GPR15LG: variants seen among roughly 807,000 people sequenced by gnomAD.
GPR15LG encodes protein GPR15LG.
At chr10:84,176,926 C>G in the GPR15LG span, among the ~76,000 whole-genome samples, 2 of 151,978 alleles carry the variant, frequency 1.3e-5, no homozygotes, top group Non-Finnish European at 2.9e-5. Context: ...GCAGAGGAGG[C>G]AGCAAGGGTG....
the GPR15LG span, among the ~76,000 whole-genome samples, chr10:84,180,688 G>A: frequency 2.0e-5 from 3 of 152,152 alleles, no homozygotes; most frequent in Admixed American, 6.5e-5. Context: ...ACGGGGTGGC[G>A]GCCGGGCAGA....
At chr10:84,180,357 C>T in the GPR15LG span, among the ~76,000 whole-genome samples, 1 of 152,240 alleles carries the variant, frequency 6.6e-6, no homozygotes, top group Non-Finnish European at 1.5e-5. Context: ...ACAAAACCGC[C>T]ATTGTCATCA....
the GPR15LG span, chr10:84,185,220 C>G: frequency 1.1e-5 from 3 of 275,922 alleles, no homozygotes; most frequent in African/African-American, 6.9e-5. Flanking sequence ...TTCCTAGCCT[C>G]CTGACATGAG....
At chr10:84,184,196 C>A in the GPR15LG span, among the ~76,000 whole-genome samples, 1 of 151,714 alleles carries the variant, frequency 6.6e-6, no homozygotes, top group South Asian at 2.1e-4. Flanking sequence ...TAGTTTAATG[C>A]ATGCAGCTTT....
chr10:84,175,204 G>A, the GPR15LG span, among the ~76,000 whole-genome samples: 27 of 152,268 alleles, frequency 1.8e-4, no homozygotes, highest in African/African-American at 5.1e-4. Flanking sequence ...AAGTTTCTGC[G>A]ATGAAAATGT....
chr10:84,182,231 G>C, the GPR15LG span, among the ~76,000 whole-genome samples: 2 of 152,236 alleles, frequency 1.3e-5, no homozygotes, highest in Non-Finnish European at 2.9e-5. Flanking sequence ...TGGAAAGGAG[G>C]AGGTGAAGAG....
chr10:84,182,471 T>C, the GPR15LG span, among the ~76,000 whole-genome samples: 2 of 152,236 alleles, frequency 1.3e-5, no homozygotes, highest in Admixed American at 1.3e-4. Context: ...CTGCTGATCT[T>C]GGCTGGGGTC....
At chr10:84,184,610 C>T in the GPR15LG span, 1 of 1,459,456 alleles carries the variant, frequency 6.9e-7, no homozygotes, top group Non-Finnish European at 9.6e-7. Flanking sequence ...TCCTCTCTCT[C>T]CCCACAACCT....
At chr10:84,182,594 G>A in the GPR15LG span, among the ~76,000 whole-genome samples, 1 of 152,194 alleles carries the variant, frequency 6.6e-6, no homozygotes, top group Non-Finnish European at 1.5e-5. Context: ...TTCACGTGGT[G>A]TCTGCAGAGT....
the GPR15LG span, among the ~76,000 whole-genome samples, chr10:84,174,877 T>C: frequency 6.6e-6 from 1 of 152,208 alleles, no homozygotes. Context: ...TTTTTTGTTT[T>C]AGTGGTTATG....
At chr10:84,184,658 T>G in the GPR15LG span, 1 of 1,613,490 alleles carries the variant, frequency 6.2e-7, no homozygotes, top group African/African-American at 1.3e-5. Context: ...TTGTCCCTCT[T>G]GTCTACTCAT....
chr10:84,173,943 A>C, the GPR15LG span: 2 of 1,563,182 alleles, frequency 1.3e-6, no homozygotes, highest in South Asian at 1.1e-5. Flanking sequence ...CCCAGGGTGC[A>C]GATCCCTGAG....
the GPR15LG span, among the ~76,000 whole-genome samples, chr10:84,179,379 A>G: frequency 6.6e-6 from 1 of 152,020 alleles, no homozygotes; most frequent in Non-Finnish European, 1.5e-5. Context: ...GAGATGAGCA[A>G]CTCCAACACC....
At chr10:84,175,694 C>T in the GPR15LG span, among the ~76,000 whole-genome samples, 13 of 152,168 alleles carry the variant, frequency 8.5e-5, no homozygotes, top group Middle Eastern at 3.4e-3. Context: ...TTTGCAGAGA[C>T]GAGGTCTCTC....
At chr10:84,174,096 G>A in the GPR15LG span, among the ~76,000 whole-genome samples, 1 of 152,196 alleles carries the variant, frequency 6.6e-6, no homozygotes, top group African/African-American at 2.4e-5. Flanking sequence ...AGGACTGCCT[G>A]CAGGTGGCTT....
At chr10:84,184,522 C>T in the GPR15LG span, among the ~76,000 whole-genome samples, 1 of 152,228 alleles carries the variant, frequency 6.6e-6, no homozygotes, top group African/African-American at 2.4e-5. Flanking sequence ...TCTGGGCCTC[C>T]AGGGAAAAGC....
At chr10:84,177,136 G>A in the GPR15LG span, among the ~76,000 whole-genome samples, 2 of 152,200 alleles carry the variant, frequency 1.3e-5, no homozygotes, top group Non-Finnish European at 2.9e-5. Context: ...ATGCCAGCAG[G>A]CAGCATCCAG....
chr10:84,184,349 C>T, the GPR15LG span, among the ~76,000 whole-genome samples: 2 of 152,174 alleles, frequency 1.3e-5, no homozygotes, highest in African/African-American at 2.4e-5. Context: ...TGTGCAGACC[C>T]TCCTACCAGA....
chr10:84,182,049 T>C, the GPR15LG span, among the ~76,000 whole-genome samples: 2 of 152,174 alleles, frequency 1.3e-5, no homozygotes, highest in African/African-American at 2.4e-5. Flanking sequence ...GCTGAGCCCA[T>C]AGTGGGAGAC....
Sources: gnomAD v4.1 joint callset for allele counts (sites outside exome capture counted in the v4.1 genomes callset) on GRCh38, gnomAD v4.1.1 for gene constraint, MANE v1.5 for transcripts, NCBI Gene and HGNC (gene_info 2026-07-23, HGNC 2026-07-21) for gene names.